The following RPS6KC1 variants were observed in gnomAD, a reference collection of about 807,000 sequenced individuals.
The protein encoded by RPS6KC1 is ribosomal protein S6 kinase C1.
RPS6KC1 carries 54 observed loss-of-function variants against 103.8 expected under a neutral mutation model. The observed-to-expected ratio is 0.52, with a 90% CI of 0.42 to 0.65. The LOEUF (loss-of-function observed/expected upper bound fraction) is 0.65, where lower values mean the gene tolerates loss of function less well. RPS6KC1 is among the 30% of genes least tolerant of loss of function. The pLI, the probability that RPS6KC1 is intolerant of heterozygous loss-of-function variation, is 0.00. For synonymous variants in RPS6KC1, 439 were observed against 438.7 expected, an observed-to-expected ratio of 1.00 and a Z score of -0.01; for missense variants, 1,151 against 1,253.8, an observed-to-expected ratio of 0.92 and a Z score of 1.24.
chr1:213,337,527 C>T, the RPS6KC1 span, among the ~76,000 whole-genome samples: 13 of 152,212 alleles, frequency 8.5e-5, no homozygotes, highest in East Asian at 2.3e-3. Flanking sequence ...ACAGGAGGTA[C>T]GGGCAGCAGA....
At chr1:213,804,192 A>C in the RPS6KC1 span, among the ~76,000 whole-genome samples, 2 of 150,662 alleles carry the variant, frequency 1.3e-5, no homozygotes, top group African/African-American at 2.4e-5. Context: ...AAAAAAAAAA[A>C]AAAAAACAAC....
the RPS6KC1 span, among the ~76,000 whole-genome samples, chr1:213,418,880 C>G: frequency 5.8e-4 from 88 of 152,338 alleles, no homozygotes; most frequent in Middle Eastern, 0.014. Flanking sequence ...CTCAGCTCCC[C>G]CCAGCTGCAG....
At chr1:213,709,956 G>A in the RPS6KC1 span, among the ~76,000 whole-genome samples, 3 of 152,136 alleles carry the variant, frequency 2.0e-5, no homozygotes, top group Non-Finnish European at 2.9e-5. Context: ...GTCGATTTTA[G>A]AATAAGTGCT....
At chr1:213,253,270 G>A (rs758149614) in intron 12 of RPS6KC1, among the ~76,000 whole-genome samples, 43 of 152,176 alleles carry the variant, frequency 2.8e-4, no homozygotes, top group Admixed American at 1.1e-3. Context: ...TGAAGAATGA[G>A]ATGATCTATG....
At chr1:213,316,548 G>T in the RPS6KC1 span, among the ~76,000 whole-genome samples, 2 of 152,230 alleles carry the variant, frequency 1.3e-5, no homozygotes, top group South Asian at 2.1e-4. Context: ...TACTGAAATT[G>T]CTAGGGATAT....
At chr1:213,809,179 G>A in the RPS6KC1 span, among the ~76,000 whole-genome samples, 1 of 152,096 alleles carries the variant, frequency 6.6e-6, no homozygotes, top group Non-Finnish European at 1.5e-5. Flanking sequence ...TTATTTATTG[G>A]CCTAGTTTCT....
the RPS6KC1 span, among the ~76,000 whole-genome samples, chr1:213,493,741 A>G: frequency 6.6e-6 from 1 of 152,206 alleles, no homozygotes; most frequent in Non-Finnish European, 1.5e-5. Context: ...ACTTCTTAGG[A>G]AACAGAATGA....
chr1:213,415,974 T>C, the RPS6KC1 span, among the ~76,000 whole-genome samples: 9 of 152,172 alleles, frequency 5.9e-5, no homozygotes, highest in South Asian at 4.1e-4. Flanking sequence ...AACCTGGAAA[T>C]TGACGGAGAA....
the RPS6KC1 span, among the ~76,000 whole-genome samples, chr1:213,332,609 A>G: frequency 6.6e-6 from 1 of 152,090 alleles, no homozygotes; most frequent in Non-Finnish European, 1.5e-5. Context: ...AGGTAGGTAA[A>G]CTGTTTGCTT....
At chr1:213,169,453 G>A (rs971641159) in intron 7 of RPS6KC1, among the ~76,000 whole-genome samples, 6 of 152,052 alleles carry the variant, frequency 3.9e-5, no homozygotes, top group African/African-American at 9.7e-5. Context: ...GAATTACTGC[G>A]ACTCTTTTAG....
At chr1:213,579,231 C>A in the RPS6KC1 span, among the ~76,000 whole-genome samples, 1 of 152,048 alleles carries the variant, frequency 6.6e-6, no homozygotes, top group Non-Finnish European at 1.5e-5. Context: ...CCATGTGGAA[C>A]TTTGAATCCA....
the RPS6KC1 span, among the ~76,000 whole-genome samples, chr1:213,307,060 G>GGT: frequency 7.7e-6 from 1 of 130,474 alleles, no homozygotes; most frequent in African/African-American, 3.0e-5. Flanking sequence ...AAGGATGCAG[G>GGT]TTTTTTTTTT....
At chr1:213,581,675 C>G in the RPS6KC1 span, among the ~76,000 whole-genome samples, 2 of 152,076 alleles carry the variant, frequency 1.3e-5, no homozygotes, top group African/African-American at 2.4e-5. Flanking sequence ...AGCTCCTCAA[C>G]GCCAATATCT....
the RPS6KC1 span, among the ~76,000 whole-genome samples, chr1:213,481,488 A>G: frequency 1.3e-5 from 2 of 152,112 alleles, no homozygotes; most frequent in African/African-American, 4.8e-5. Flanking sequence ...TGGCTGTTAT[A>G]TTTAATTTAT....
At chr1:213,354,525 A>G in the RPS6KC1 span, among the ~76,000 whole-genome samples, 1 of 152,204 alleles carries the variant, frequency 6.6e-6, no homozygotes. Flanking sequence ...ATAACAGAGT[A>G]CCTGAAACTG....
chr1:213,085,487 A>G (rs2080303879), intron 3 of RPS6KC1, among the ~76,000 whole-genome samples: 1 of 152,200 alleles, frequency 6.6e-6, no homozygotes, highest in African/African-American at 2.4e-5. Context: ...CTTGAAGCTA[A>G]TAAGTAACCT....
the RPS6KC1 span, among the ~76,000 whole-genome samples, chr1:213,332,935 C>T: frequency 6.6e-6 from 1 of 152,122 alleles, no homozygotes; most frequent in African/African-American, 2.4e-5. Flanking sequence ...ACTCAGGGTT[C>T]CAAGGGGGCA....
chr1:213,391,419 A>G, the RPS6KC1 span, among the ~76,000 whole-genome samples: 1 of 152,132 alleles, frequency 6.6e-6, no homozygotes, highest in South Asian at 2.1e-4. Flanking sequence ...TAAACTAAAC[A>G]AGCAGAGGAG....
chr1:213,272,486 T>A, intron 14 of RPS6KC1, 38 bp from the exon 15 acceptor site: 2 of 1,486,180 alleles, frequency 1.3e-6, no homozygotes, highest in Non-Finnish European at 1.9e-6. Context: ...GATTTGCCAG[T>A]TGGATTCCTG....
Sources: allele counts gnomAD v4.1 joint callset (sites outside exome capture counted in the v4.1 genomes callset), GRCh38; gene constraint gnomAD v4.1.1; transcripts MANE v1.5; gene names NCBI Gene and HGNC (gene_info 2026-07-23, HGNC 2026-07-21).